The following AKT3 variants were observed in gnomAD, a reference collection of about 807,000 sequenced individuals.
AKT3 encodes RAC-gamma serine/threonine-protein kinase.
Under a neutral mutation model 65.3 loss-of-function variants are expected in AKT3, and 15 were observed. That is an observed-to-expected ratio of 0.23 (90% CI 0.15 to 0.35). The LOEUF (loss-of-function observed/expected upper bound fraction) is 0.35, where lower values mean the gene tolerates loss of function less well. Among genes scored for constraint, AKT3 ranks in the 10% least tolerant of loss-of-function variants. The probability of loss-of-function intolerance (pLI) is 1.00; values close to 1 mark genes in which losing one functional copy is unlikely to be tolerated. For missense variants in AKT3, 243 were observed against 576.5 expected, an observed-to-expected ratio of 0.42 and a Z score of 5.92; for synonymous variants, 206 against 183.8, an observed-to-expected ratio of 1.12 and a Z score of -0.98.
At chr1:243,813,262 C>CA (rs1693297094) in intron 2 of AKT3, among the ~76,000 whole-genome samples, 1 of 151,984 alleles carries the variant, frequency 6.6e-6, no homozygotes, top group South Asian at 2.1e-4. Context: ...GCAGTATTCT[C>CA]ACCAAAAAAG....
upstream of AKT3, among the ~76,000 whole-genome samples, chr1:243,850,310 C>G (rs1695721369): frequency 8.9e-6 from 1 of 112,404 alleles, no homozygotes; most frequent in African/African-American, 3.3e-5. Flanking sequence ...GCGGCGGCGG[C>G]GGCGGCGGCG....
chr1:243,803,103 G>A (rs146068724), intron 2 of AKT3, among the ~76,000 whole-genome samples: 97 of 152,198 alleles, frequency 6.4e-4, no homozygotes, highest in African/African-American at 2.0e-3. Flanking sequence ...CGCTATGATC[G>A]CACTCCAACC....
At chr1:243,545,683 T>G (rs907055349) in intron 11 of AKT3, 86 bp from the exon 12 acceptor site, 2 of 968,080 alleles carry the variant, frequency 2.1e-6, no homozygotes. Context: ...GAAAGTGTAA[T>G]TTTCTGTGTA....
chr1:243,712,261 A>G (rs1452972258), intron 2 of AKT3, among the ~76,000 whole-genome samples: 2 of 152,254 alleles, frequency 1.3e-5, no homozygotes, highest in Non-Finnish European at 2.9e-5. Flanking sequence ...ATGCCTTTTC[A>G]GCAAACACGG....
chr1:243,595,557 C>G (rs556485665), intron 8 of AKT3, among the ~76,000 whole-genome samples: 1 of 152,128 alleles, frequency 6.6e-6, no homozygotes, highest in African/African-American at 2.4e-5. Flanking sequence ...ACACATTGTA[C>G]AGCTATACAA....
chr1:243,703,861 C>A (rs565643694), intron 2 of AKT3, among the ~76,000 whole-genome samples: 5 of 151,620 alleles, frequency 3.3e-5, no homozygotes, highest in South Asian at 2.1e-4. Context: ...TGCACAGGGA[C>A]AATATGAAAT....
chr1:243,700,177 G>C (rs1206428489), intron 2 of AKT3, among the ~76,000 whole-genome samples: 3 of 152,148 alleles, frequency 2.0e-5, no homozygotes, highest in African/African-American at 4.8e-5. Context: ...CTTACTCATT[G>C]AGTTCTTGGC....
intron 12 of AKT3, among the ~76,000 whole-genome samples, chr1:243,540,688 C>A (rs1483977727): frequency 1.3e-5 from 2 of 152,098 alleles, no homozygotes; most frequent in African/African-American, 4.8e-5. Flanking sequence ...TCCACCAATG[C>A]CCCTGCCTAG....
intron 3 of AKT3, among the ~76,000 whole-genome samples, chr1:243,671,787 C>A (rs1350041647): frequency 6.6e-6 from 1 of 152,162 alleles, no homozygotes; most frequent in Admixed American, 6.5e-5. Flanking sequence ...TCTAAATGAG[C>A]AAATTTACAA....
At chr1:243,813,273 G>C (rs932187423) in intron 2 of AKT3, among the ~76,000 whole-genome samples, 1 of 152,098 alleles carries the variant, frequency 6.6e-6, no homozygotes, top group Admixed American at 6.6e-5. Flanking sequence ...ACCAAAAAAG[G>C]TTCAACCTGA....
chr1:243,550,285 A>G (rs966623045), intron 11 of AKT3, among the ~76,000 whole-genome samples: 5 of 152,216 alleles, frequency 3.3e-5, no homozygotes, highest in African/African-American at 1.2e-4. Context: ...ATTATAAAAG[A>G]AATTATTAGA....
chr1:243,731,924 A>G (rs1179905467), intron 2 of AKT3, among the ~76,000 whole-genome samples: 1 of 152,210 alleles, frequency 6.6e-6, no homozygotes, highest in African/African-American at 2.4e-5. Flanking sequence ...TTACCATGTA[A>G]CGGTTTTTCC....
At chr1:243,633,572 A>G (rs1289905062) in intron 6 of AKT3, among the ~76,000 whole-genome samples, 2 of 152,138 alleles carry the variant, frequency 1.3e-5, no homozygotes, top group Non-Finnish European at 2.9e-5. Flanking sequence ...TATAAATTTA[A>G]ATTACAGTAC....
chr1:243,732,942 CA>C (rs1210165217), intron 2 of AKT3, among the ~76,000 whole-genome samples: 1 of 152,232 alleles, frequency 6.6e-6, no homozygotes. Flanking sequence ...TGCTCAACAA[CA>C]AACAGGTGTT....
At chr1:243,829,880 G>A (rs878869803) in intron 2 of AKT3, among the ~76,000 whole-genome samples, 1 of 152,138 alleles carries the variant, frequency 6.6e-6, no homozygotes, top group Non-Finnish European at 1.5e-5. Context: ...TAATCGCACC[G>A]AAGGCCCCTA....
At chr1:243,781,865 C>G (rs1690936438) in intron 2 of AKT3, among the ~76,000 whole-genome samples, 1 of 152,124 alleles carries the variant, frequency 6.6e-6, no homozygotes, top group African/African-American at 2.4e-5. Context: ...CTCAGTCACC[C>G]AGGCTGCTGC....
At chr1:243,671,360 G>T (rs567757020) in intron 3 of AKT3, among the ~76,000 whole-genome samples, 1 of 152,094 alleles carries the variant, frequency 6.6e-6, no homozygotes, top group Non-Finnish European at 1.5e-5. Flanking sequence ...GATTACAGGC[G>T]TGAGCCACTG....
intron 1 of AKT3, 106 bp from the exon 2 acceptor site, chr1:243,843,388 C>T (rs773490101): frequency 1.7e-6 from 2 of 1,179,928 alleles, no homozygotes; most frequent in Non-Finnish European, 2.1e-6. Flanking sequence ...CCTGACCTCA[C>T]ATAAAAGTCT....
rs545192550 is a variant in AKT3 at position 243,619,432 on chromosome 1, T to C, written c.562-4271A>G. 1.7e-3 allele frequency among the ~76,000 whole-genome samples: 203 copies of C among 122,228 alleles called. 16 individuals are homozygous for C. Among genetic ancestry groups the C allele is most frequent in the African/African-American group, 4.6e-3 (183 of 40,150 alleles). 80.2% of individuals were successfully genotyped at this position (122,228 alleles called of 152,430 possible). On this transcript the variant is annotated intron_variant, in intron 6 of 13. Coordinates refer to ENST00000673466, the MANE Select transcript of AKT3 (RefSeq NM_005465.7). ...TGGTTGTTAACTATAGTCGCCCTAC[T>C]GAACTATCTAACACTAGGTCTTATT...
Sources: gnomAD v4.1 joint callset for allele counts (sites outside exome capture counted in the v4.1 genomes callset) on GRCh38, gnomAD v4.1.1 for gene constraint, MANE v1.5 for transcripts, NCBI Gene and HGNC (gene_info 2026-07-23, HGNC 2026-07-21) for gene names.